SPAG17: variants seen among roughly 807,000 people sequenced by gnomAD.
SPAG17 encodes the protein sperm-associated antigen 17.
SPAG17 carries 169 observed loss-of-function variants against 273.6 expected under a neutral mutation model. That is an observed-to-expected ratio of 0.62 (90% CI 0.55 to 0.70). SPAG17 has a LOEUF of 0.70. SPAG17 is among the 30% of genes least tolerant of loss of function. SPAG17 has a pLI of 0.00. For synonymous variants in SPAG17, 825 were observed against 873.2 expected, an observed-to-expected ratio of 0.94 and a Z score of 0.97; for missense variants, 2,557 against 2,627.8, an observed-to-expected ratio of 0.97 and a Z score of 0.59.
intron 48 of SPAG17, chr1:117,961,264 A>G (rs1653060101): frequency 6.6e-6 from 1 of 152,226 alleles, no homozygotes; most frequent in South Asian, 2.1e-4. Context: ...AGCCTGGGCA[A>G]CACAGTGAGA....
intron 1 of SPAG17, among the ~76,000 whole-genome samples, chr1:118,174,046 A>C (rs1660564478): frequency 6.6e-6 from 1 of 152,102 alleles, no homozygotes; most frequent in South Asian, 2.1e-4. Flanking sequence ...TCAAATGCCC[A>C]ATTTTCAATG....
Position 118,055,889 on chromosome 1 carries a change from A to G in SPAG17, c.2566T>C (p.Ser856Pro). ...FRNYLELVAKSIQDWITKEEA... is the reference protein window; with the variant it reads ...FRNYLELVAKPIQDWITKEEA... ...TCTTTTGTAATCCAATCTTGAATAG[A>G]TTTTGCAACAAGTTCCAAATAATTC... is the stretch of plus-strand genomic sequence containing the variant. Residue 856 changes from serine to proline, a missense_variant, in exon 19 of 49, where the codon TCT (serine) becomes CCT (proline). Transcript: ENST00000336338. The G allele has an allele frequency of 6.2e-7, 1 of 1,605,956 alleles. No individual in the cohort carries two copies. The highest frequency in any genetic ancestry group is 1.3e-5 in the African/African-American group (1 of 74,572).
chr1:118,116,383 C>A (rs1570721661), intron 3 of SPAG17, among the ~76,000 whole-genome samples: 1 of 152,074 alleles, frequency 6.6e-6, no homozygotes, highest in Admixed American at 6.5e-5. Flanking sequence ...TTATTTATAA[C>A]CTTGGGATGA....
At chr1:117,973,585 A>G (rs754526951) in intron 43 of SPAG17, 24 bp from the exon 44 acceptor site, 2 of 1,609,092 alleles carry the variant, frequency 1.2e-6, no homozygotes, top group South Asian at 1.1e-5. Context: ...AGCTTAAATT[A>G]TGCCACATGG....
rs1371935535 is a variant in SPAG17 at position 118,066,799 on chromosome 1, TGTCTATTCA to T, written c.2477_2485del (p.Met826_Gln829delinsLys). On this transcript the variant is annotated inframe_deletion, in exon 18 of 49. Transcript: ENST00000336338. ...GTTCCAATATTCACAATGCAAACGT[TGTCTATTCA>T]TTGGATTGTGAAAGACTAAAAGTAA... The T allele has an allele frequency of 1.9e-6, 3 of 1,613,840 alleles. No homozygotes were observed. The highest frequency in any genetic ancestry group is 2.5e-6 in the Non-Finnish European group (3 of 1,179,836).
chr1:118,109,216 A>G lies in SPAG17; in HGVS notation c.447+6094T>C, dbSNP rs528134029. ...GAGTGCAGTGGCGCGATGTCAGCTC[A>G]CTGCAACCTCCGCCTGCCAGATTCA... On this transcript the variant is annotated intron_variant, in intron 4 of 48. Coordinates refer to ENST00000336338, the MANE Select transcript of SPAG17 (RefSeq NM_206996.4). Among the ~76,000 whole-genome samples the G allele has an allele frequency of 2.0e-5, 3 of 150,026 alleles. No homozygotes were observed. In the East Asian group the frequency reaches 6.1e-4, roughly 30 times the overall value.
chr1:118,093,184 G>A lies in SPAG17; in HGVS notation c.1145C>T (p.Pro382Leu), dbSNP rs1156877457. The part of the protein sequence containing the change: ...INVPQVVNEK[P>L]VLEAMPTSEA... ...TGAAGTTGGCATGGCTTCTAATACAGGTTTCTCATTAACCACTTGTGGAAC... is the reference window on the plus strand; with the variant it reads ...TGAAGTTGGCATGGCTTCTAATACAAGTTTCTCATTAACCACTTGTGGAAC... The change falls in exon 8 of 49, where the codon CCT (proline) becomes CTT (leucine). Residue 382 changes from proline (P) to leucine (L), a missense_variant. By Grantham distance (98) the Pro-to-Leu change is moderately conservative (BLOSUM62 -3). Transcript: ENST00000336338. 3 of 1,613,474 alleles carry A rather than the reference G, an allele frequency of 1.9e-6. No homozygotes were observed. In the African/African-American group the frequency reaches 4.0e-5, roughly 22 times the overall value.
chr1:117,967,474 A>T (rs1001141192), intron 46 of SPAG17, among the ~76,000 whole-genome samples: 2 of 151,528 alleles, frequency 1.3e-5, no homozygotes, highest in East Asian at 1.9e-4. Flanking sequence ...TGATGAGTTT[A>T]AAAAAAAATC....
At chr1:118,159,396 G>C (rs1416953648) in intron 1 of SPAG17, among the ~76,000 whole-genome samples, 1 of 152,092 alleles carries the variant, frequency 6.6e-6, no homozygotes, top group Non-Finnish European at 1.5e-5. Context: ...AAATGACCTT[G>C]GGCTTATCTT....
chr1:118,183,263 TAAAAC>T (rs1661029897), intron 1 of SPAG17, among the ~76,000 whole-genome samples: 1 of 152,168 alleles, frequency 6.6e-6, no homozygotes, highest in African/African-American at 2.4e-5. Flanking sequence ...CTCTGGATAC[TAAAAC>T]AATAGAGCAC....
In SPAG17 at chr1:118,005,514, G is replaced by C; in HGVS notation, c.4676C>G (p.Pro1559Arg). Residue 1559 changes from proline to arginine, a missense_variant, in exon 32 of 49, where the codon CCT (proline) becomes CGT (arginine). Physicochemically the swap from Pro to Arg is moderately radical, Grantham distance 103. Transcript: ENST00000336338. ...TCGCAGCTGCTCACGCTTTTGAAAA[G>C]GATAGTATATATTACTGCTTGACTC... ...CHESSSNIYY[P>R]FQKREQLRAG... The C allele has an allele frequency of 6.2e-7, 1 of 1,613,340 alleles. No homozygotes were observed. Among genetic ancestry groups the C allele is most frequent in the South Asian group, 1.1e-5 (1 of 90,806 alleles).
chr1:118,115,241 C>T (rs1657003874), intron 4 of SPAG17, 69 bp downstream of exon 4: 2 of 1,571,412 alleles, frequency 1.3e-6, no homozygotes, highest in Admixed American at 1.8e-5. Context: ...GGAAGTGCCC[C>T]TGGAGAAACC....
intron 42 of SPAG17, among the ~76,000 whole-genome samples, chr1:117,982,352 C>T (rs1655929458): frequency 6.6e-6 from 1 of 151,818 alleles, no homozygotes; most frequent in Admixed American, 6.6e-5. Context: ...CGCCATTCTC[C>T]TGCCTTAGCC....
At chr1:117,975,061 C>T (rs1002077717) in intron 43 of SPAG17, among the ~76,000 whole-genome samples, 5 of 152,194 alleles carry the variant, frequency 3.3e-5, no homozygotes, top group East Asian at 1.9e-4. Context: ...AAGCGGACAG[C>T]GATAACCCCA....
intron 5 of SPAG17, among the ~76,000 whole-genome samples, 186 bp downstream of exon 5, chr1:118,101,554 A>T (rs1232372813): frequency 6.6e-6 from 1 of 152,190 alleles, no homozygotes; most frequent in Non-Finnish European, 1.5e-5. Flanking sequence ...TATTGGGATG[A>T]CTGCTCCAAT....
In SPAG17 at chr1:118,063,189, C is replaced by T. The variant is rs574625351; in HGVS notation, c.2540+3556G>A. Among the ~76,000 whole-genome samples, 75 of 152,256 alleles carry T rather than the reference C, an allele frequency of 4.9e-4. No homozygotes were observed. The South Asian group carries it at 0.015, about 31-fold the overall frequency. Reference sequence around the variant, plus strand: ...GTAATTTATAGATTCAATGCCATCCCCATCAAGCTACCAATGACTTTCTTC... The same window carrying T: ...GTAATTTATAGATTCAATGCCATCCTCATCAAGCTACCAATGACTTTCTTC... On this transcript the variant is annotated intron_variant, in intron 18 of 48. Coordinates refer to ENST00000336338, the MANE Select transcript of SPAG17 (RefSeq NM_206996.4).
At chr1:118,122,761 A>T (rs1657492412) in intron 3 of SPAG17, among the ~76,000 whole-genome samples, 1 of 152,238 alleles carries the variant, frequency 6.6e-6, no homozygotes, top group African/African-American at 2.4e-5. Context: ...AATACTTTGC[A>T]TGGTGAATGA....
chr1:118,106,330 C>A (rs921779154), intron 4 of SPAG17, among the ~76,000 whole-genome samples: 14 of 152,180 alleles, frequency 9.2e-5, no homozygotes, highest in African/African-American at 3.4e-4. Context: ...AGAGCACCAT[C>A]TTCATTTTAC....
intron 45 of SPAG17, 74 bp from the exon 46 acceptor site, chr1:117,970,190 T>C: frequency 6.9e-7 from 1 of 1,447,750 alleles, no homozygotes; most frequent in Non-Finnish European, 9.5e-7. Flanking sequence ...TGGGATGTTA[T>C]AAAATAAGGA....
Sources: allele counts gnomAD v4.1 joint callset (sites outside exome capture counted in the v4.1 genomes callset), GRCh38; gene constraint gnomAD v4.1.1; transcripts MANE v1.5; gene names NCBI Gene and HGNC (gene_info 2026-07-23, HGNC 2026-07-21).